NOL4L: variants seen among roughly 807,000 people sequenced by gnomAD.
The protein encoded by NOL4L is nucleolar protein 4 like, also known as nucleolar protein 4-like.
A neutral mutation model predicts 64.5 loss-of-function variants in NOL4L; 7 were observed. The ratio of observed to expected loss-of-function variants is 0.11; its 90% CI spans 0.06 to 0.20. The LOEUF (loss-of-function observed/expected upper bound fraction) is 0.20, where lower values mean the gene tolerates loss of function less well. Ranked by LOEUF, NOL4L falls within the 10% of genes least tolerant of loss-of-function variation. The pLI, the probability that NOL4L is intolerant of heterozygous loss-of-function variation, is 1.00. For missense variants in NOL4L, 680 were observed against 967.1 expected, an observed-to-expected ratio of 0.70 and a Z score of 3.94; for synonymous variants, 413 against 401.0, an observed-to-expected ratio of 1.03 and a Z score of -0.36.
Position 32,521,607 on chromosome 20 carries a change from TGAG to T in NOL4L, c.478-688_478-686del, listed in dbSNP as rs757431694. Among the ~76,000 whole-genome samples the T allele has an allele frequency of 1.7e-4, 26 of 151,594 alleles. No individual in the cohort carries two copies. The East Asian group carries it at 4.7e-3, about 27-fold the overall frequency. Reference sequence around the variant, plus strand: ...TTGCCTCCAGAAGGCCTCCCCTAGTTGAGGAGGAGGACAGGGATGCAGAGGGCT... The same window carrying T: ...TTGCCTCCAGAAGGCCTCCCCTAGTTGAGGAGGACAGGGATGCAGAGGGCT... On this transcript the variant is annotated intron_variant, in intron 2 of 10. Coordinates refer to ENST00000621426, the MANE Select transcript of NOL4L (RefSeq NM_001256798.2).
Position 32,445,431 on chromosome 20 carries a change from T to A in NOL4L, c.*2165A>T, listed in dbSNP as rs1224963072. ...ACGTTAAGTAACTGATACCAGGAAT[T>A]CTAGGGTGGCGATTGTCTCTGCCAG... On this transcript the variant is annotated 3_prime_UTR_variant, in exon 11 of 11. Transcript: ENST00000621426. 6.6e-6 allele frequency: 1 copy of A among 152,094 alleles called. No homozygotes were observed. 9.4% of individuals were successfully genotyped at this position (152,094 alleles called of 1,614,324 possible). A position where few individuals can be genotyped will look rare whatever the true frequency, so the allele number is the denominator to read the frequency against.
intron 1 of NOL4L, among the ~76,000 whole-genome samples, chr20:32,568,779 C>T (rs760612495): frequency 2.6e-4 from 39 of 152,184 alleles, no homozygotes; most frequent in Non-Finnish European, 5.0e-4. Context: ...CCCTGCTGAC[C>T]CTGCCAGGCT....
chr20:32,492,042 T>C (rs1458492558), intron 4 of NOL4L, among the ~76,000 whole-genome samples: 1 of 152,094 alleles, frequency 6.6e-6, no homozygotes, highest in Non-Finnish European at 1.5e-5. Context: ...GCCTGGGAGA[T>C]CAAGGCTGCA....
At chr20:32,457,280 A>C (rs920251679) in intron 5 of NOL4L, among the ~76,000 whole-genome samples, 9 of 152,280 alleles carry the variant, frequency 5.9e-5, no homozygotes, top group African/African-American at 1.9e-4. Context: ...CTCAGCTGAG[A>C]CGGCAGAGGC....
At chr20:32,539,339 T>C (rs1440917119) in intron 1 of NOL4L, among the ~76,000 whole-genome samples, 4 of 152,158 alleles carry the variant, frequency 2.6e-5, no homozygotes, top group African/African-American at 9.7e-5. Flanking sequence ...AACAGCCACT[T>C]CCCTTCCCTG....
At chr20:32,479,178 C>T (rs545486770) in intron 4 of NOL4L, among the ~76,000 whole-genome samples, 21 of 152,304 alleles carry the variant, frequency 1.4e-4, no homozygotes, top group South Asian at 6.2e-4. Context: ...CAGGCAGTTA[C>T]AAGTACACAC....
At chr20:32,452,105 C>T (rs966726570) in intron 10 of NOL4L, 131 bp downstream of exon 10, 1 of 729,788 alleles carries the variant, frequency 1.4e-6, no homozygotes, top group Admixed American at 4.1e-5. Flanking sequence ...CTCCTGCTCC[C>T]TATGCTGTGA....
chr20:32,573,117 C>T (rs1384471225), intron 1 of NOL4L, among the ~76,000 whole-genome samples: 1 of 151,766 alleles, frequency 6.6e-6, no homozygotes, highest in Admixed American at 6.6e-5. Flanking sequence ...CGGCTCACTG[C>T]AGCCTTAACC....
chr20:32,543,389 G>A (rs1316448264), intron 1 of NOL4L, among the ~76,000 whole-genome samples: 1 of 152,174 alleles, frequency 6.6e-6, no homozygotes, highest in South Asian at 2.1e-4. Flanking sequence ...GGAGGCCCAG[G>A]TGGGTGGATC....
intron 2 of NOL4L, among the ~76,000 whole-genome samples, chr20:32,524,930 G>A (rs1419555306): frequency 2.0e-5 from 3 of 152,262 alleles, no homozygotes; most frequent in African/African-American, 2.4e-5. Flanking sequence ...GGAGGGAGGT[G>A]TGCCAGCCCC....
chr20:32,574,804 C>T (rs867654868), intron 1 of NOL4L, among the ~76,000 whole-genome samples: 4 of 151,914 alleles, frequency 2.6e-5, no homozygotes, highest in Non-Finnish European at 4.4e-5. Context: ...GTCCCCTCCA[C>T]GGCCTCCCAC....
At chr20:32,504,387 T>C (rs2017050748) in intron 4 of NOL4L, among the ~76,000 whole-genome samples, 1 of 151,894 alleles carries the variant, frequency 6.6e-6, no homozygotes, top group Admixed American at 6.6e-5. Context: ...AGTGAAACCC[T>C]GTCTCTAATA....
chr20:32,481,903 G>A (rs2015736035), intron 4 of NOL4L, among the ~76,000 whole-genome samples: 1 of 142,626 alleles, frequency 7.0e-6, no homozygotes, highest in Non-Finnish European at 1.5e-5. Context: ...GAAGAGCCAT[G>A]AGGTCCCCCA....
intron 1 of NOL4L, chr20:32,536,972 C>A: frequency 2.6e-6 from 2 of 770,212 alleles, no homozygotes; most frequent in South Asian, 1.2e-4. Flanking sequence ...CCCCGCCCAC[C>A]CCACGCGCAC....
intron 4 of NOL4L, among the ~76,000 whole-genome samples, chr20:32,504,590 AC>A (rs1190484784): frequency 2.6e-5 from 4 of 151,144 alleles, no homozygotes; most frequent in Admixed American, 6.6e-5. Context: ...AAAGAAAAAA[AC>A]ATCTCAAAAC....
intron 5 of NOL4L, among the ~76,000 whole-genome samples, chr20:32,472,612 G>A (rs1419890885): frequency 6.6e-6 from 1 of 152,194 alleles, no homozygotes; most frequent in Non-Finnish European, 1.5e-5. Flanking sequence ...GCCAGAAGAT[G>A]GCCCAGGACT....
intron 10 of NOL4L, 144 bp from the exon 11 acceptor site, chr20:32,447,960 C>T (rs2012469160): frequency 9.2e-7 from 1 of 1,088,190 alleles, no homozygotes. Flanking sequence ...GTCCATCTCC[C>T]TGATGGCTCT....
chr20:32,558,776 G>A (rs1490965589), intron 1 of NOL4L, among the ~76,000 whole-genome samples: 1 of 152,126 alleles, frequency 6.6e-6, no homozygotes, highest in Admixed American at 6.5e-5. Flanking sequence ...AAGAGCCCCT[G>A]GGGAGCCCCT....
At position 32,474,637 on chromosome 20, in the gene NOL4L, T is replaced by C. The variant is rs2015262168; in HGVS notation, c.805A>G (p.Met269Val). The change falls in exon 5 of 11, where the codon ATG becomes GTG. Residue 269 changes from methionine to valine, a missense_variant. Physicochemically the swap from Met to Val is conservative, Grantham distance 21 (BLOSUM62 1). Coordinates refer to ENST00000621426, the MANE Select transcript of NOL4L (RefSeq NM_001256798.2). ...SSLSPSQDER[M>V]RSPQNLHSQE... Reference sequence around the variant, plus strand: ...CTGTGGAGGTTCTGCGGGCTCCGCATCCTCTCGTCCTGGCTGGGGCTCAGG... The same window carrying C: ...CTGTGGAGGTTCTGCGGGCTCCGCACCCTCTCGTCCTGGCTGGGGCTCAGG... 1 of 1,613,578 alleles carries C rather than the reference T, an allele frequency of 6.2e-7. No individual in the cohort carries two copies. Among genetic ancestry groups the C allele is most frequent in the Non-Finnish European group, 8.5e-7 (1 of 1,179,864 alleles).
Sources: gnomAD v4.1 joint callset for allele counts (sites outside exome capture counted in the v4.1 genomes callset) on GRCh38, gnomAD v4.1.1 for gene constraint, MANE v1.5 for transcripts, NCBI Gene and HGNC (gene_info 2026-07-23, HGNC 2026-07-21) for gene names.